Variants in HS3ST4 observed in about 807,000 individuals in gnomAD.
The protein encoded by HS3ST4 is heparan sulfate-glucosamine 3-sulfotransferase 4, also known as heparan sulfate glucosamine 3-O-sulfotransferase 4.
In HS3ST4, 17 loss-of-function variants were observed where a neutral mutation model predicts 29.2. That is an observed-to-expected ratio of 0.58 (90% CI 0.40 to 0.87). The LOEUF is 0.87. Among genes scored for constraint, HS3ST4 ranks in the 40% least tolerant of loss-of-function variants. The probability of loss-of-function intolerance (pLI) is 0.00; values close to 1 mark genes in which losing one functional copy is unlikely to be tolerated. For synonymous variants in HS3ST4, 314 were observed against 285.7 expected (o/e 1.10, Z -1.00); for missense variants, 627 against 634.5 (o/e 0.99, Z 0.13).
intron 1 of HS3ST4, among the ~76,000 whole-genome samples, chr16:25,958,765 G>C (rs1968762319): frequency 6.6e-6 from 1 of 152,132 alleles, no homozygotes; most frequent in Non-Finnish European, 1.5e-5. Flanking sequence ...GTTGTTGGAG[G>C]GTAGTTCTCT....
intron 1 of HS3ST4, among the ~76,000 whole-genome samples, chr16:25,907,045 A>T (rs1968186416): frequency 6.6e-6 from 1 of 152,094 alleles, no homozygotes; most frequent in Admixed American, 6.6e-5. Context: ...AATGTTTTAA[A>T]AATTAGACAG....
rs532623081 is a variant in HS3ST4, at chr16:25,834,016, A to C, written c.734+140865A>C. On this transcript the variant is annotated intron_variant, in intron 1 of 1. Transcript: ENST00000331351. The stretch of plus-strand genomic sequence containing the variant: ...GCTTGGTGGGGAAGATTAATTGGCA[A>C]ATTTGAAAAAAAAATGGCCAAGATT... Among the ~76,000 whole-genome samples the C allele has an allele frequency of 5.3e-5, 8 of 152,314 alleles. No homozygotes were observed. The East Asian group carries it at 1.3e-3, about 26-fold the overall frequency.
intron 1 of HS3ST4, among the ~76,000 whole-genome samples, chr16:25,864,033 G>A (rs6650557): frequency 0.19 from 23,331 of 119,872 alleles, 1,879 homozygotes; most frequent in East Asian, 0.3. Flanking sequence ...GCCTCTTCGC[G>A]TGGGCATCCT....
chr16:25,794,263 CATG>C (rs1567241223), intron 1 of HS3ST4, among the ~76,000 whole-genome samples: 3 of 152,056 alleles, frequency 2.0e-5, no homozygotes, highest in African/African-American at 7.2e-5. Context: ...CATTATAAAA[CATG>C]ATACTTCTCT....
intron 1 of HS3ST4, among the ~76,000 whole-genome samples, chr16:25,887,587 C>T (rs1361196469): frequency 6.6e-6 from 1 of 151,870 alleles, no homozygotes; most frequent in East Asian, 1.9e-4. Context: ...CGCCTTCCCA[C>T]AAAGCTGGAG....
At chr16:25,706,424 T>C (rs1011777363) in intron 1 of HS3ST4, among the ~76,000 whole-genome samples, 1 of 152,168 alleles carries the variant, frequency 6.6e-6, no homozygotes, top group Non-Finnish European at 1.5e-5. Context: ...AGTTCTGGGA[T>C]ACATGTGCAG....
At chr16:25,737,216 G>A (rs1966615543) in intron 1 of HS3ST4, among the ~76,000 whole-genome samples, 1 of 152,196 alleles carries the variant, frequency 6.6e-6, no homozygotes, top group South Asian at 2.1e-4. Flanking sequence ...GGTGGATGCT[G>A]CTGGTTACGA....
At chr16:25,778,964 A>T (rs927909457) in intron 1 of HS3ST4, among the ~76,000 whole-genome samples, 3 of 152,152 alleles carry the variant, frequency 2.0e-5, no homozygotes, top group East Asian at 3.9e-4. Flanking sequence ...TAGCCCCCAT[A>T]TCATGTGAGC....
intron 1 of HS3ST4, among the ~76,000 whole-genome samples, chr16:26,109,217 G>A (rs1899095579): frequency 6.6e-6 from 1 of 152,194 alleles, no homozygotes; most frequent in Non-Finnish European, 1.5e-5. Context: ...CAGGGTGGCT[G>A]TGGCAAAGGG....
intron 1 of HS3ST4, among the ~76,000 whole-genome samples, chr16:25,756,655 A>G (rs911659074): frequency 5.9e-5 from 9 of 152,148 alleles, no homozygotes; most frequent in African/African-American, 1.9e-4. Flanking sequence ...CTTGAAACCT[A>G]CAGTACATCC....
chr16:25,954,363 C>G (rs1315979989), intron 1 of HS3ST4, among the ~76,000 whole-genome samples: 3 of 152,120 alleles, frequency 2.0e-5, no homozygotes, highest in African/African-American at 7.2e-5. Flanking sequence ...CCCTTTCTAC[C>G]CCTGCCAAAC....
At chr16:25,986,767 C>T (rs1469093431) in intron 1 of HS3ST4, among the ~76,000 whole-genome samples, 1 of 152,218 alleles carries the variant, frequency 6.6e-6, no homozygotes, top group Non-Finnish European at 1.5e-5. Flanking sequence ...GACCAAGATT[C>T]TCAAAGGGAG....
intron 1 of HS3ST4, among the ~76,000 whole-genome samples, chr16:25,698,789 G>A (rs1315175336): frequency 6.6e-6 from 1 of 152,118 alleles, no homozygotes; most frequent in African/African-American, 2.4e-5. Context: ...GATTGGCTTT[G>A]CAGTGTGCAT....
At chr16:26,083,889 C>T (rs548139679) in intron 1 of HS3ST4, among the ~76,000 whole-genome samples, 41 of 152,240 alleles carry the variant, frequency 2.7e-4, no homozygotes, top group South Asian at 1.9e-3. Context: ...GGGGAGATAA[C>T]ATGTGAAAGA....
chr16:25,855,762 C>T (rs1192266816), intron 1 of HS3ST4, among the ~76,000 whole-genome samples: 2 of 152,100 alleles, frequency 1.3e-5, no homozygotes, highest in South Asian at 2.1e-4. Flanking sequence ...TATGTTTAGT[C>T]GTTTGTGGGG....
At chr16:26,009,569 G>A (rs763687237) in intron 1 of HS3ST4, among the ~76,000 whole-genome samples, 14 of 152,290 alleles carry the variant, frequency 9.2e-5, no homozygotes, top group Non-Finnish European at 2.1e-4. Flanking sequence ...ACAGCAATAA[G>A]CTCGAGCTTC....
chr16:25,935,015 T>C (rs1968505142), intron 1 of HS3ST4, among the ~76,000 whole-genome samples: 2 of 152,120 alleles, frequency 1.3e-5, no homozygotes, highest in South Asian at 2.1e-4. Flanking sequence ...GTTCTCATGA[T>C]AGTGAATGAA....
At chr16:26,099,556 T>A (rs535553362) in intron 1 of HS3ST4, among the ~76,000 whole-genome samples, 1 of 152,276 alleles carries the variant, frequency 6.6e-6, no homozygotes, top group South Asian at 2.1e-4. Context: ...TCACAGTCAA[T>A]ACAGAAATTT....
chr16:25,862,392 T>C (rs6650562), intron 1 of HS3ST4, among the ~76,000 whole-genome samples: 23,339 of 152,020 alleles, frequency 0.15, 1,885 homozygotes, highest in East Asian at 0.25. Flanking sequence ...GGGGTTTCAC[T>C]ATATAGCCCA....
Sources: gnomAD v4.1 joint callset for allele counts (sites outside exome capture counted in the v4.1 genomes callset) on GRCh38, gnomAD v4.1.1 for gene constraint, MANE v1.5 for transcripts, NCBI Gene and HGNC (gene_info 2026-07-23, HGNC 2026-07-21) for gene names.